The following JUND variants were observed in gnomAD, a reference collection of about 807,000 sequenced individuals.
JUND encodes transcription factor JunD.
Under a neutral mutation model 7.1 loss-of-function variants are expected in JUND, and 2 were observed. The ratio of observed to expected loss-of-function variants is 0.28; its 90% CI spans 0.11 to 0.88. The LOEUF (loss-of-function observed/expected upper bound fraction) is 0.88. Ranked by LOEUF, JUND falls within the 40% of genes least tolerant of loss-of-function variation. JUND has a pLI of 0.60. For missense variants in JUND, 479 were observed against 519.1 expected (o/e 0.92, Z 0.75); for synonymous variants, 335 against 263.2 (o/e 1.27, Z -2.64).
At position 18,281,579 on chromosome 19, in the gene JUND, C is replaced by G. The variant is rs1255828828; in HGVS notation, c.-95G>C. On this transcript the variant is annotated 5_prime_UTR_variant, in exon 1 of 1. Coordinates refer to ENST00000252818, the MANE Select transcript of JUND (RefSeq NM_005354.6). ...CGTCCGCTCGGCCCTGCGCCCGCCC[C>G]GGCCGCGGCCGCAGCGCCCGGCCCT... is the stretch of plus-strand genomic sequence containing the variant. The G allele has an allele frequency of 1.2e-5, 4 of 346,174 alleles. No individual in the cohort carries two copies. Among genetic ancestry groups the G allele is most frequent in the East Asian group, 1.7e-4 (1 of 5,906 alleles). 21.4% of individuals were successfully genotyped at this position (346,174 alleles called of 1,614,324 possible).
Position 18,281,313 on chromosome 19 carries a change from C to G in JUND, c.172G>C (p.Val58Leu), listed in dbSNP as rs1969944523. 1 of 1,377,976 alleles carries G rather than the reference C, an allele frequency of 7.3e-7. No individual in the cohort carries two copies. The highest frequency in any genetic ancestry group is 9.3e-7 in the Non-Finnish European group (1 of 1,075,520). The allele number at this position is 1,377,976 out of a possible 1,614,324, so 85.4% of individuals were successfully genotyped here. A position where few individuals can be genotyped will look rare whatever the true frequency, so the allele number is the denominator to read the frequency against. ...GCCGCAGGCTTGAGCGCTGCCGCCACCTGCTCACTCAGGCTCAGCGTCAGC... is the reference window on the plus strand; with the variant it reads ...GCCGCAGGCTTGAGCGCTGCCGCCAGCTGCTCACTCAGGCTCAGCGTCAGC... ...DALTLSLSEQVAAALKPAAAP... is the reference protein window; with the variant it reads ...DALTLSLSEQLAAALKPAAAP... The change falls in exon 1 of 1, where the codon GTG becomes CTG. Residue 58 changes from valine to leucine, a missense_variant. Around this residue, in one of 3 missense-constraint regions of JUND, gnomAD observed 374 missense variants for 365.4 expected, o/e 1.02. Transcript: ENST00000252818.
chr19:18,280,645 G>T lies in JUND; in HGVS notation c.840C>A (p.Ile280=). The T allele has an allele frequency of 1.2e-6, 2 of 1,612,716 alleles. No individual in the cohort carries two copies. The highest frequency in any genetic ancestry group is 2.2e-5 in the East Asian group (1 of 44,828). ...TGCGCTTGCGGCACTTGGAGGCGGC[G>T]ATGCGGTTGCGCAGCCGCTTGCGCT... ...KAERKRLRNR[I]AASKCRKRKL... Residue 280 remains isoleucine (I), a synonymous_variant, in exon 1 of 1, where the codon ATC becomes ATA. Coordinates refer to ENST00000252818, the MANE Select transcript of JUND (RefSeq NM_005354.6). The surrounding 1 kb of genome is among the most constrained non-coding windows in gnomAD (Gnocchi z 4.1).
In JUND at chr19:18,280,335, G is replaced by A. The variant is rs1969918821; in HGVS notation, c.*106C>T. ...GAGTTCCTGGGCACACTCGGGGAGGGGGGGTCCCCAGGGCCGCACCCTCTC... is the reference window on the plus strand; with the variant it reads ...GAGTTCCTGGGCACACTCGGGGAGGAGGGGTCCCCAGGGCCGCACCCTCTC... On this transcript the variant is annotated 3_prime_UTR_variant, in exon 1 of 1. Transcript: ENST00000252818. The surrounding 1 kb of genome is among the most constrained non-coding windows in gnomAD (Gnocchi z 4.1). The A allele has an allele frequency of 1.6e-6, 2 of 1,260,552 alleles. No homozygotes were observed. Among genetic ancestry groups the A allele is most frequent in the Non-Finnish European group, 2.1e-6 (2 of 935,666 alleles). 78.1% of individuals were successfully genotyped at this position (1,260,552 alleles called of 1,614,324 possible).
At position 18,281,616 on chromosome 19, in the gene JUND, G is replaced by C. The variant is rs1004891144; in HGVS notation, c.-132C>G. 7 of 182,630 alleles carry C rather than the reference G, an allele frequency of 3.8e-5. No individual in the cohort carries two copies. The Admixed American group carries it at 4.0e-4, about 10-fold the overall frequency. The allele number at this position is 182,630 out of a possible 1,614,324, so 11.3% of individuals were successfully genotyped here. On this transcript the variant is annotated 5_prime_UTR_variant, in exon 1 of 1. Transcript: ENST00000252818. The stretch of plus-strand genomic sequence containing the variant: ...CAGCGCCCGGCCCTCCACTGGCGGC[G>C]GCTCCTGCGCCGCGCCACTTGTGCG...
At position 18,281,329 on chromosome 19, in the gene JUND, C is replaced by T; in HGVS notation, c.156G>A (p.Leu52=). Residue 52 remains leucine (L), a synonymous_variant, in exon 1 of 1, where the codon CTG becomes CTA. Coordinates refer to ENST00000252818, the MANE Select transcript of JUND (RefSeq NM_005354.6). ...GSMMKKDALT[L]SLSEQVAAAL... is the part of the protein sequence containing the mutation. Reference sequence around the variant, plus strand: ...CTGCCGCCACCTGCTCACTCAGGCTCAGCGTCAGCGCGTCCTTCTTCATCA... The same window carrying T: ...CTGCCGCCACCTGCTCACTCAGGCTTAGCGTCAGCGCGTCCTTCTTCATCA... 1.5e-6 allele frequency: 2 copies of T among 1,357,608 alleles called. No homozygotes were observed. Among genetic ancestry groups the T allele is most frequent in the Non-Finnish European group, 9.4e-7 (1 of 1,064,878 alleles). The allele number at this position is 1,357,608 out of a possible 1,614,324, so 84.1% of individuals were successfully genotyped here.
Position 18,281,203 on chromosome 19 carries a change from C to A in JUND, c.282G>T (p.Gly94=), listed in dbSNP as rs769833068. ...GCTCGGGGGAGGCCAGCTTCAGCAG[C>A]CCCAGGTCGGGAGAGGCGAGCAGGC... The part of the protein sequence containing the change: ...PDGLLASPDL[G]LLKLASPELE... The change falls in exon 1 of 1, where the codon GGG becomes GGT. Residue 94 remains glycine, a synonymous_variant. Transcript: ENST00000252818. The A allele has an allele frequency of 8.6e-6, 13 of 1,520,104 alleles. No individual in the cohort carries two copies. In the South Asian group the frequency reaches 1.2e-4, roughly 14 times the overall value. The allele number at this position is 1,520,104 out of a possible 1,614,324, so 94.2% of individuals were successfully genotyped here.
rs995165508 is a variant in JUND at position 18,280,941 on chromosome 19, G to C, written c.544C>G (p.Leu182Val). ...TCGGGCGCGGCCGCCGCCGGGGCCA[G>C]CTCGCCGGGGGGCGCGGAGCCCGTG... ...TATGSAPPGE[L>V]APAAAAPEAP... Residue 182 changes from leucine (L) to valine (V), a missense_variant, in exon 1 of 1, where the codon CTG becomes GTG. By Grantham distance (32) the Leu-to-Val change is conservative. Coordinates refer to ENST00000252818, the MANE Select transcript of JUND (RefSeq NM_005354.6). The surrounding 1 kb of genome is among the most constrained non-coding windows in gnomAD (Gnocchi z 4.1). 9.2e-7 allele frequency: 1 copy of C among 1,090,754 alleles called. No individual in the cohort carries two copies. Among genetic ancestry groups the C allele is most frequent in the Admixed American group, 5.3e-5 (1 of 18,912 alleles). The allele number at this position is 1,090,754 out of a possible 1,614,324, so 67.6% of individuals were successfully genotyped here.
chr19:18,281,277 G>A lies in JUND; in HGVS notation c.208C>T (p.Pro70Ser), dbSNP rs1021498062. The A allele has an allele frequency of 2.1e-6, 3 of 1,425,144 alleles. No individual in the cohort carries two copies. The highest frequency in any genetic ancestry group is 3.0e-5 in the African/African-American group (2 of 66,088). 88.3% of individuals were successfully genotyped at this position (1,425,144 alleles called of 1,614,324 possible). Residue 70 changes from proline to serine, a missense_variant, in exon 1 of 1, where the codon CCT becomes TCT. Physicochemically the swap from Pro to Ser is moderately conservative, Grantham distance 74. Coordinates refer to ENST00000252818, the MANE Select transcript of JUND (RefSeq NM_005354.6). The part of the protein sequence containing the change: ...AALKPAAAPP[P>S]TPLRADGAPS... Reference sequence around the variant, plus strand: ...GCGCCGTCGGCGCGCAGGGGGGTAGGAGGCGGCGCGGCCGCAGGCTTGAGC... The same window carrying A: ...GCGCCGTCGGCGCGCAGGGGGGTAGAAGGCGGCGCGGCCGCAGGCTTGAGC...
Position 18,281,548 on chromosome 19 carries a change from C to T in JUND, c.-64G>A, listed in dbSNP as rs904477374. On this transcript the variant is annotated 5_prime_UTR_variant, in exon 1 of 1. Coordinates refer to ENST00000252818, the MANE Select transcript of JUND (RefSeq NM_005354.6). ...GCCGCGGCCTCCCGGGGGGCCCGCG[C>T]CCCCCCGTCCGCTCGGCCCTGCGCC... is the stretch of plus-strand genomic sequence containing the variant. 6.3e-6 allele frequency: 5 copies of T among 793,464 alleles called. No individual in the cohort carries two copies. Among genetic ancestry groups the T allele is most frequent in the South Asian group, 5.6e-5 (1 of 17,950 alleles). 49.2% of individuals were successfully genotyped at this position (793,464 alleles called of 1,614,324 possible).
Position 18,281,189 on chromosome 19 carries a change from G to A in JUND, c.296C>T (p.Ala99Val), listed in dbSNP as rs1201199132. The change falls in exon 1 of 1, where the codon GCC becomes GTC. Residue 99 changes from alanine (A) to valine (V), a missense_variant. Physicochemically the swap from Ala to Val is moderately conservative, Grantham distance 64. This residue lies in a region of JUND where 374 missense variants were observed against 365.4 expected (regional missense o/e 1.02). Coordinates refer to ENST00000252818, the MANE Select transcript of JUND (RefSeq NM_005354.6). ...ASPDLGLLKL[A>V]SPELERLIIQ... ...GATGAGGCGCTCGAGCTCGGGGGAG[G>A]CCAGCTTCAGCAGCCCCAGGTCGGG... is the stretch of plus-strand genomic sequence containing the variant. 2.0e-6 allele frequency: 3 copies of A among 1,534,782 alleles called. No homozygotes were observed. Among genetic ancestry groups the A allele is most frequent in the Non-Finnish European group, 1.7e-6 (2 of 1,149,372 alleles).
At position 18,281,386 on chromosome 19, in the gene JUND, G is replaced by A. The variant is rs1163166960; in HGVS notation, c.99C>T (p.Pro33=). 4 of 1,347,556 alleles carry A rather than the reference G, an allele frequency of 3.0e-6. No individual in the cohort carries two copies. Among genetic ancestry groups the A allele is most frequent in the East Asian group, 3.1e-5 (1 of 32,270 alleles). 83.5% of individuals were successfully genotyped at this position (1,347,556 alleles called of 1,614,324 possible). A position where few individuals can be genotyped will look rare whatever the true frequency, so the allele number is the denominator to read the frequency against. ...CGGCCGCGGCCGTCGGGGGCGCCCC[G>A]GGGAACAAGCGGCCCGGGGACGCGA... ...GSFASPGRLF[P]GAPPTAAAGS... Residue 33 remains proline (P), a synonymous_variant, in exon 1 of 1, where the codon CCC becomes CCT. Coordinates refer to ENST00000252818, the MANE Select transcript of JUND (RefSeq NM_005354.6).
Position 18,280,069 on chromosome 19 carries a change from T to C in JUND, c.*372A>G. 4.7e-6 allele frequency: 1 copy of C among 213,274 alleles called. No individual in the cohort carries two copies. 13.2% of individuals were successfully genotyped at this position (213,274 alleles called of 1,614,324 possible). On this transcript the variant is annotated 3_prime_UTR_variant, in exon 1 of 1. Transcript: ENST00000252818. This position sits in a 1 kb window ranked among gnomAD's most constrained non-coding sequence, Gnocchi z 4.1. ...TCTTCCAAAGAAAAAAAAAAAAAAG[T>C]AAAAGTAAAGGAAAGGCAGGGTTTG...
rs1371304160 is a variant in JUND, at chr19:18,280,261, T to TCCGGGGCGCC, written c.*179_*180insGGCGCCCCGG. On this transcript the variant is annotated 3_prime_UTR_variant, in exon 1 of 1. Transcript: ENST00000252818. The surrounding 1 kb of genome is among the most constrained non-coding windows in gnomAD (Gnocchi z 4.1). ...GGAGCAGGGGGTCCAGCTTGTCGAG[T>TCCGGGGCGCC]CCTGGGCACCCTCGGGGGGGGGGAA... 1.4e-4 allele frequency: 76 copies of TCCGGGGCGCC among 535,246 alleles called. No individual in the cohort carries two copies. In the African/African-American group the frequency reaches 2.1e-3, roughly 15 times the overall value. 33.2% of individuals were successfully genotyped at this position (535,246 alleles called of 1,614,324 possible).
rs1969936377 is a variant in JUND at position 18,280,999 on chromosome 19, GGCGGCGGCA to G, written c.477_485del (p.Ala164_Ala166del). The G allele has an allele frequency of 2.4e-6, 3 of 1,231,844 alleles. No homozygotes were observed. Among genetic ancestry groups the G allele is most frequent in the African/African-American group, 1.6e-5 (1 of 62,140 alleles). The allele number at this position is 1,231,844 out of a possible 1,614,324, so 76.3% of individuals were successfully genotyped here. A position where few individuals can be genotyped will look rare whatever the true frequency, so the allele number is the denominator to read the frequency against. ...CCGAGGGCCCCCCGGCGGCGGCGGC[GGCGGCGGCA>G]GCGGCCGCGCCCGCGCCGAGCTGGT... On this transcript the variant is annotated inframe_deletion, in exon 1 of 1. Transcript: ENST00000252818. This position sits in a 1 kb window ranked among gnomAD's most constrained non-coding sequence, Gnocchi z 4.1.
At position 18,281,358 on chromosome 19, in the gene JUND, T is replaced by G; in HGVS notation, c.127A>C (p.Ser43Arg). 1.5e-6 allele frequency: 2 copies of G among 1,338,710 alleles called. No homozygotes were observed. The highest frequency in any genetic ancestry group is 9.5e-7 in the Non-Finnish European group (1 of 1,054,526). The allele number at this position is 1,338,710 out of a possible 1,614,324, so 82.9% of individuals were successfully genotyped here. A position where few individuals can be genotyped will look rare whatever the true frequency, so the allele number is the denominator to read the frequency against. Residue 43 changes from serine (S) to arginine (R), a missense_variant, in exon 1 of 1, where the codon AGC (serine) becomes CGC (arginine). This residue lies in a region of JUND where 374 missense variants were observed against 365.4 expected (regional missense o/e 1.02). Coordinates refer to ENST00000252818, the MANE Select transcript of JUND (RefSeq NM_005354.6). The stretch of plus-strand genomic sequence containing the variant: ...GTCAGCGCGTCCTTCTTCATCATGC[T>G]GCCGGCCGCGGCCGTCGGGGGCGCC... ...PGAPPTAAAG[S>R]MMKKDALTLS...
rs766974493 is a variant in JUND at position 18,281,230 on chromosome 19, G to A, written c.255C>T (p.Asp85=). ...ADGAPSAAPP[D]GLLASPDLGL... ...CCAGGTCGGGAGAGGCGAGCAGGCC[G>A]TCGGGGGGTGCCGCGCTGGGGGCGC... The change falls in exon 1 of 1, where the codon GAC becomes GAT. Residue 85 remains aspartate (D), a synonymous_variant. Coordinates refer to ENST00000252818, the MANE Select transcript of JUND (RefSeq NM_005354.6). The A allele has an allele frequency of 1.7e-5, 25 of 1,489,388 alleles. No homozygotes were observed. Among genetic ancestry groups the A allele is most frequent in the African/African-American group, 7.2e-5 (5 of 69,052 alleles). The allele number at this position is 1,489,388 out of a possible 1,614,324, so 92.3% of individuals were successfully genotyped here.
rs766292395 is a variant in JUND at position 18,281,012 on chromosome 19, GCCGCGC to G, written c.467_472del (p.Gly156_Ala157del). Reference sequence around the variant, plus strand: ...GGCGGCGGCGGCGGCGGCGGCAGCGGCCGCGCCCGCGCCGAGCTGGTTCTGCTTGTG... The same window carrying G: ...GGCGGCGGCGGCGGCGGCGGCAGCGGCCGCGCCGAGCTGGTTCTGCTTGTG... On this transcript the variant is annotated inframe_deletion, in exon 1 of 1. Coordinates refer to ENST00000252818, the MANE Select transcript of JUND (RefSeq NM_005354.6). The G allele has an allele frequency of 3.8e-5, 49 of 1,290,698 alleles. No homozygotes were observed. The highest frequency in any genetic ancestry group is 4.7e-5 in the African/African-American group (3 of 64,270). 80.0% of individuals were successfully genotyped at this position (1,290,698 alleles called of 1,614,324 possible).
rs1025977903 is a variant in JUND at position 18,280,953 on chromosome 19, G to A, written c.532C>T (p.Pro178Ser). The change falls in exon 1 of 1, where the codon CCC becomes TCC. Residue 178 changes from proline to serine, a missense_variant. Transcript: ENST00000252818. The surrounding 1 kb of genome is among the most constrained non-coding windows in gnomAD (Gnocchi z 4.1). ...GCCGCCGGGGCCAGCTCGCCGGGGG[G>A]CGCGGAGCCCGTGGCCGTGCCCGAG... ...GPSGTATGSA[P>S]PGELAPAAAA... is the part of the protein sequence containing the mutation. The A allele has an allele frequency of 5.1e-5, 54 of 1,057,352 alleles. No homozygotes were observed. Among genetic ancestry groups the A allele is most frequent in the Non-Finnish European group, 1.7e-5 (15 of 879,526 alleles). 65.5% of individuals were successfully genotyped at this position (1,057,352 alleles called of 1,614,324 possible). A position where few individuals can be genotyped will look rare whatever the true frequency, so the allele number is the denominator to read the frequency against.
chr19:18,280,940 AGCTCGCCGGGGGGC>A lies in JUND; in HGVS notation c.531_544del (p.Pro178GlyfsTer241). On this transcript the variant is annotated frameshift_variant, in exon 1 of 1. Coordinates refer to ENST00000252818, the MANE Select transcript of JUND (RefSeq NM_005354.6). LOFTEE classifies it low-confidence loss of function (END_TRUNC). This position sits in a 1 kb window ranked among gnomAD's most constrained non-coding sequence, Gnocchi z 4.1. ...TTCGGGCGCGGCCGCCGCCGGGGCC[AGCTCGCCGGGGGGC>A]GCGGAGCCCGTGGCCGTGCCCGAGG... The A allele has an allele frequency of 9.1e-7, 1 of 1,097,238 alleles. No homozygotes were observed. The highest frequency in any genetic ancestry group is 1.1e-6 in the Non-Finnish European group (1 of 905,142). 68.0% of individuals were successfully genotyped at this position (1,097,238 alleles called of 1,614,324 possible).
Sources: gnomAD v4.1 joint callset for allele counts on GRCh38, gnomAD v4.1.1 for gene constraint, gnomAD v4.1.1 regional missense constraint, Gnocchi (gnomAD v3.1) non-coding constraint, MANE v1.5 for transcripts, NCBI Gene and HGNC (gene_info 2026-07-23, HGNC 2026-07-21) for gene names.